The following NRXN3 variants were observed in gnomAD, a reference collection of about 807,000 sequenced individuals.
NRXN3 encodes the protein neurexin III.
In NRXN3, 32 loss-of-function variants were observed where a neutral mutation model predicts 137.6. The ratio of observed to expected loss-of-function variants is 0.23; its 90% CI spans 0.18 to 0.31. The LOEUF (loss-of-function observed/expected upper bound fraction) is 0.31. Ranked by LOEUF, NRXN3 falls within the 10% of genes least tolerant of loss-of-function variation. The pLI is 1.00. For synonymous variants in NRXN3, 798 were observed against 784.5 expected (o/e 1.02, Z -0.29); for missense variants, 1,574 against 2,062.5 (o/e 0.76, Z 4.59).
chr14:79,094,979 A>AGAGAGAGAGTGTGT (rs553957969), intron 15 of NRXN3, among the ~76,000 whole-genome samples: 21 of 115,930 alleles, frequency 1.8e-4, no homozygotes, highest in South Asian at 1.4e-3. Context: ...AGAGAGAGAG[A>AGAGAGAGAGTGTGT]GTGTGTGTGT....
At chr14:78,479,780 G>T (rs772312672) in intron 4 of NRXN3, among the ~76,000 whole-genome samples, 1 of 152,004 alleles carries the variant, frequency 6.6e-6, no homozygotes, top group Admixed American at 6.6e-5. Flanking sequence ...GCTATATTTT[G>T]TGTGTGTGTG....
At chr14:78,847,472 AGCTTTGTGTG>A (rs2099030446) in intron 10 of NRXN3, among the ~76,000 whole-genome samples, 1 of 152,062 alleles carries the variant, frequency 6.6e-6, no homozygotes, top group Admixed American at 6.6e-5. Context: ...AAGTACTCTT[AGCTTTGTGTG>A]GCTGTCTGGA....
chr14:78,926,823 TATATAATTTATATAA>T, intron 10 of NRXN3, among the ~76,000 whole-genome samples: 1 of 41,858 alleles, frequency 2.4e-5, no homozygotes, highest in South Asian at 5.4e-4. Flanking sequence ...TTATATATTA[TATATAATTTATATAA>T]ATATATAATA....
In NRXN3 at chr14:79,322,081, T is replaced by C. The variant is rs138075470; in HGVS notation, c.3263-145140T>C. On this transcript the variant is annotated intron_variant, in intron 15 of 20. Coordinates refer to ENST00000335750, the MANE Select transcript of NRXN3 (RefSeq NM_001330195.2). ...AGATCCCATCTTAAAATAAAAAAGA[T>C]CTCATGGTAACTAATATTTGATATG... Among the ~76,000 whole-genome samples the C allele has an allele frequency of 8.7e-3, 1,327 of 152,116 alleles. 21 individuals are homozygous for C. The highest frequency in any genetic ancestry group is 0.03 in the African/African-American group (1,254 of 41,522).
chr14:78,424,684 T>A (rs540880826), intron 4 of NRXN3, among the ~76,000 whole-genome samples: 6 of 152,326 alleles, frequency 3.9e-5, no homozygotes, highest in South Asian at 4.1e-4. Flanking sequence ...GGATGAGATT[T>A]CTAGAGTTGC....
intron 4 of NRXN3, among the ~76,000 whole-genome samples, chr14:78,422,064 C>A (rs2093470335): frequency 6.6e-6 from 1 of 152,146 alleles, no homozygotes; most frequent in African/African-American, 2.4e-5. Context: ...AGTGGCCATG[C>A]CTTCCTCACA....
chr14:79,026,466 G>A (rs1347587902), intron 15 of NRXN3, among the ~76,000 whole-genome samples: 1 of 152,042 alleles, frequency 6.6e-6, no homozygotes, highest in African/African-American at 2.4e-5. Flanking sequence ...TTCCATTTGA[G>A]GCCCTGGTAG....
rs2098987764 is a variant in NRXN3 at position 79,748,811 on chromosome 14, T to C, written c.4014+50874T>C. ...GTCAAATGTACAAATACATAGTGAA[T>C]TGCGATGGTTTCTGGGACTGACAGA... is the stretch of plus-strand genomic sequence containing the variant. On this transcript the variant is annotated intron_variant, in intron 19 of 20. Coordinates refer to ENST00000335750, the MANE Select transcript of NRXN3 (RefSeq NM_001330195.2). Among the ~76,000 whole-genome samples the C allele has an allele frequency of 3.3e-5, 5 of 152,110 alleles. No individual in the cohort carries two copies. The South Asian group carries it at 1.0e-3, about 32-fold the overall frequency.
At chr14:79,024,160 G>A (rs1411549897) in intron 15 of NRXN3, among the ~76,000 whole-genome samples, 1 of 151,996 alleles carries the variant, frequency 6.6e-6, no homozygotes, top group Non-Finnish European at 1.5e-5. Flanking sequence ...TGCAACTCAA[G>A]AAAATGACTT....
intron 4 of NRXN3, among the ~76,000 whole-genome samples, chr14:78,432,167 G>C (rs528941538): frequency 6.6e-6 from 1 of 152,246 alleles, no homozygotes; most frequent in East Asian, 1.9e-4. Context: ...CCTAACGTTG[G>C]CATATTCAGA....
chr14:78,255,798 A>G (rs1467562102), intron 2 of NRXN3, among the ~76,000 whole-genome samples: 1 of 152,200 alleles, frequency 6.6e-6, no homozygotes, highest in African/African-American at 2.4e-5. Flanking sequence ...CAGGTTTTAT[A>G]TGTGCACATA....
chr14:79,804,345 T>C lies in NRXN3; in HGVS notation c.4015-767T>C, dbSNP rs547504515. 8.7e-4 allele frequency among the ~76,000 whole-genome samples: 132 copies of C among 152,260 alleles called. 1 individual carries two copies. Among genetic ancestry groups the C allele is most frequent in the African/African-American group, 2.8e-3 (117 of 41,562 alleles). On this transcript the variant is annotated intron_variant, in intron 19 of 20. Transcript: ENST00000335750. The stretch of plus-strand genomic sequence containing the variant: ...CTGTATGGAGGGCTCTTCTCACAGC[T>C]GATACTCAGTCTCCTATATTTCTTG...
At chr14:78,785,870 C>A (rs1249572088) in intron 8 of NRXN3, among the ~76,000 whole-genome samples, 1 of 152,102 alleles carries the variant, frequency 6.6e-6, no homozygotes, top group Admixed American at 6.6e-5. Context: ...GTGGCTTATA[C>A]CTTGATGAAA....
intron 15 of NRXN3, among the ~76,000 whole-genome samples, chr14:79,309,690 G>A (rs1335319102): frequency 2.4e-4 from 35 of 145,024 alleles, no homozygotes; most frequent in Admixed American, 2.4e-3. Flanking sequence ...CATTGATGAT[G>A]AGCATTTCTT....
chr14:79,794,794 A>C (rs907806252), intron 19 of NRXN3, among the ~76,000 whole-genome samples: 2 of 152,192 alleles, frequency 1.3e-5, no homozygotes. Context: ...GATTACTCCT[A>C]TATGTAAGTG....
At chr14:78,268,880 G>C (rs2072254505) in intron 2 of NRXN3, among the ~76,000 whole-genome samples, 1 of 152,002 alleles carries the variant, frequency 6.6e-6, no homozygotes, top group Non-Finnish European at 1.5e-5. Flanking sequence ...CTGTCTTCTG[G>C]GTCATGTTTT....
intron 17 of NRXN3, among the ~76,000 whole-genome samples, chr14:79,684,845 A>G (rs917735081): frequency 1.3e-4 from 20 of 152,168 alleles, no homozygotes; most frequent in African/African-American, 4.8e-4. Flanking sequence ...AAGAGGGTAG[A>G]TAGAAATAAA....
intron 15 of NRXN3, among the ~76,000 whole-genome samples, chr14:79,096,176 C>T (rs551410923): frequency 1.6e-4 from 25 of 151,698 alleles, no homozygotes; most frequent in Admixed American, 2.6e-4. Flanking sequence ...GGCACCATCT[C>T]GGCTCACTGC....
chr14:78,458,101 A>G (rs1213134840), intron 4 of NRXN3, among the ~76,000 whole-genome samples: 1 of 152,208 alleles, frequency 6.6e-6, no homozygotes, highest in Non-Finnish European at 1.5e-5. Context: ...AGACCTAACT[A>G]TCCTGGAATG....
Sources: gnomAD v4.1 joint callset for allele counts (sites outside exome capture counted in the v4.1 genomes callset) on GRCh38, gnomAD v4.1.1 for gene constraint, MANE v1.5 for transcripts, NCBI Gene and HGNC (gene_info 2026-07-23, HGNC 2026-07-21) for gene names.